The following RTN4 variants were observed in gnomAD, a reference collection of about 807,000 sequenced individuals.
RTN4 encodes reticulon 4, also known as reticulon-4.
In RTN4, 32 loss-of-function variants were observed where a neutral mutation model predicts 90.4. The ratio of observed to expected loss-of-function variants is 0.35; its 90% CI spans 0.27 to 0.48. RTN4 has a LOEUF of 0.48. Among genes scored for constraint, RTN4 ranks in the 20% least tolerant of loss-of-function variants. The pLI is 0.99. For synonymous variants in RTN4, 629 were observed against 552.5 expected (o/e 1.14, Z -1.94); for missense variants, 1,706 against 1,430.2 (o/e 1.19, Z -3.11).
At chr2:55,074,373 C>T (rs1049436357) in intron 2 of RTN4, among the ~76,000 whole-genome samples, 3 of 151,946 alleles carry the variant, frequency 2.0e-5, no homozygotes, top group African/African-American at 4.8e-5. Context: ...TGTGGGGGCA[C>T]ACTCCTGTAG....
chr2:55,041,979 T>C (rs1240591117), intron 1 of RTN4, among the ~76,000 whole-genome samples: 1 of 152,048 alleles, frequency 6.6e-6, no homozygotes, highest in Non-Finnish European at 1.5e-5. Flanking sequence ...AAGGCTAGTT[T>C]CCTTACAATG....
At position 55,026,051 on chromosome 2, in the gene RTN4, A is replaced by G. The variant is rs771203000; in HGVS notation, c.2048T>C (p.Ile683Thr). ...TTCTGTTTCTTGAAGAGCTGCATTA[A>G]TATTTTCAGGCTCTTTAATTTCTTC... ...IKEEIKEPEN[I>T]NAALQETEAP... The change falls in exon 3 of 9, where the codon ATT becomes ACT. Residue 683 changes from isoleucine (I) to threonine (T), a missense_variant. Ile to Thr is a moderately conservative substitution (Grantham distance 89). Transcript: ENST00000337526. The G allele has an allele frequency of 2.5e-6, 4 of 1,610,904 alleles. No individual in the cohort carries two copies. The highest frequency in any genetic ancestry group is 3.4e-6 in the Non-Finnish European group (4 of 1,179,246).
chr2:55,097,370 A>G (rs577545554), intron 1 of RTN4, among the ~76,000 whole-genome samples: 2 of 151,718 alleles, frequency 1.3e-5, no homozygotes, highest in Non-Finnish European at 2.9e-5. Context: ...GGTTGGGGGG[A>G]AAGCCTGGTA....
At chr2:55,102,847 G>A (rs1260612961) in intron 1 of RTN4, among the ~76,000 whole-genome samples, 4 of 152,070 alleles carry the variant, frequency 2.6e-5, no homozygotes, top group East Asian at 1.9e-4. Context: ...GGCCGGGTGC[G>A]GTGGCTCACG....
chr2:55,114,972 T>C (rs1287987667), upstream of RTN4, among the ~76,000 whole-genome samples: 1 of 152,134 alleles, frequency 6.6e-6, no homozygotes, highest in Non-Finnish European at 1.5e-5. Context: ...AGCACATGCA[T>C]GTGGGCTGAC....
intron 3 of RTN4, among the ~76,000 whole-genome samples, chr2:54,992,122 G>C (rs1558775625): frequency 6.6e-6 from 1 of 152,120 alleles, no homozygotes; most frequent in Non-Finnish European, 1.5e-5. Context: ...CCAGGAGTTT[G>C]AGACCAGGCT....
At chr2:55,105,644 G>A (rs186177729) in intron 1 of RTN4, among the ~76,000 whole-genome samples, 1 of 152,176 alleles carries the variant, frequency 6.6e-6, no homozygotes, top group East Asian at 1.9e-4. Flanking sequence ...TTTGTGGAGT[G>A]TGTTTATGAT....
intron 2 of RTN4, among the ~76,000 whole-genome samples, chr2:55,070,993 G>T (rs961951886): frequency 1.7e-4 from 25 of 151,208 alleles, no homozygotes; most frequent in African/African-American, 5.8e-4. Flanking sequence ...AGCCAGGATG[G>T]TCTCAATCTC....
chr2:55,119,451 A>C, the RTN4 span, among the ~76,000 whole-genome samples: 1 of 152,232 alleles, frequency 6.6e-6, no homozygotes, highest in Non-Finnish European at 1.5e-5. Context: ...ATTTAAGAAC[A>C]GAGAGCTCGT....
intron 6 of RTN4, among the ~76,000 whole-genome samples, chr2:54,974,370 C>T (rs1677427261): frequency 6.6e-6 from 1 of 152,244 alleles, no homozygotes; most frequent in Non-Finnish European, 1.5e-5. Context: ...ACCTCTGCCT[C>T]TTGGGCTCAA....
intron 1 of RTN4, among the ~76,000 whole-genome samples, chr2:55,102,244 G>C (rs537360421): frequency 6.6e-6 from 1 of 152,238 alleles, no homozygotes; most frequent in East Asian, 1.9e-4. Flanking sequence ...ATGGAATTTA[G>C]TTTGTTTTTG....
chr2:54,978,111 A>C lies in RTN4; in HGVS notation c.3361-3347T>G, dbSNP rs116721414. Among the ~76,000 whole-genome samples, 860 of 152,298 alleles carry C rather than the reference A, an allele frequency of 5.6e-3. 7 individuals are homozygous for C. The highest frequency in any genetic ancestry group is 0.02 in the African/African-American group (821 of 41,560). ...AGCGGCTCTAAAATTTCAATTTCTG[A>C]GGAAGATGGTTTCACATGGAAATAG... is the stretch of plus-strand genomic sequence containing the variant. On this transcript the variant is annotated intron_variant, in intron 5 of 8. Transcript: ENST00000337526.
chr2:55,007,335 C>A (rs77696107), intron 3 of RTN4, among the ~76,000 whole-genome samples: 6,767 of 152,160 alleles, frequency 0.044, 501 homozygotes, highest in African/African-American at 0.15. Context: ...AGGTTATTCT[C>A]CCCCAGTTGA....
intron 1 of RTN4, among the ~76,000 whole-genome samples, chr2:55,104,460 C>T (rs533826356): frequency 6.6e-6 from 1 of 151,994 alleles, no homozygotes; most frequent in African/African-American, 2.4e-5. Flanking sequence ...TCATGATTCT[C>T]GTGCTTCAGC....
At chr2:54,997,662 T>C (rs989269551) in intron 3 of RTN4, among the ~76,000 whole-genome samples, 13 of 152,174 alleles carry the variant, frequency 8.5e-5, no homozygotes, top group African/African-American at 2.9e-4. Context: ...TAACAGAATA[T>C]TATTAGGCCA....
chr2:54,989,779 C>T (rs890978695), intron 3 of RTN4, among the ~76,000 whole-genome samples: 5 of 152,172 alleles, frequency 3.3e-5, no homozygotes, highest in Non-Finnish European at 7.4e-5. Flanking sequence ...CTGTGAAATA[C>T]TGTAAATGGA....
intron 1 of RTN4, among the ~76,000 whole-genome samples, chr2:55,034,632 T>C (rs1682553016): frequency 6.6e-6 from 1 of 152,234 alleles, no homozygotes; most frequent in African/African-American, 2.4e-5. Flanking sequence ...AATCAAGTTC[T>C]TCAGACTGAG....
intron 3 of RTN4, among the ~76,000 whole-genome samples, chr2:55,013,941 T>A (rs867053702): frequency 2.0e-5 from 3 of 152,164 alleles, no homozygotes; most frequent in African/African-American, 7.2e-5. Flanking sequence ...AGAGCTAAAA[T>A]AATTTATACT....
intron 8 of RTN4, 95 bp from the exon 9 acceptor site, chr2:54,973,293 C>T (rs1677287112): frequency 7.0e-6 from 8 of 1,140,984 alleles, no homozygotes; most frequent in Non-Finnish European, 9.0e-6. Flanking sequence ...TCAGCTAATA[C>T]AATAAATGAA....
Sources: gnomAD v4.1 joint callset for allele counts (sites outside exome capture counted in the v4.1 genomes callset) on GRCh38, gnomAD v4.1.1 for gene constraint, MANE v1.5 for transcripts, NCBI Gene and HGNC (gene_info 2026-07-23, HGNC 2026-07-21) for gene names.